The following TMPRSS9 variants were observed in gnomAD, a reference collection of about 807,000 sequenced individuals.
TMPRSS9 encodes the protein transmembrane protease serine 9.
Under a neutral mutation model 111.4 loss-of-function variants are expected in TMPRSS9, and 113 were observed. That is an observed-to-expected ratio of 1.01 (90% CI 0.87 to 1.19). TMPRSS9 has a LOEUF of 1.19. TMPRSS9 is among the 50% of genes most tolerant of loss of function. TMPRSS9 has a pLI of 0.00. For missense variants in TMPRSS9, 1,803 were observed against 1,513.1 expected (o/e 1.19, Z -3.18); for synonymous variants, 805 against 659.1 (o/e 1.22, Z -3.39).
chr19:2,388,899 C>G (rs972753376), upstream of TMPRSS9, among the ~76,000 whole-genome samples: 2 of 151,986 alleles, frequency 1.3e-5, no homozygotes, highest in Non-Finnish European at 2.9e-5. Flanking sequence ...GCTGGGATTA[C>G]AGGTGTGAGC....
intron 1 of TMPRSS9, among the ~76,000 whole-genome samples, chr19:2,363,823 T>A (rs114883707): frequency 0.074 from 7,858 of 106,902 alleles, 327 homozygotes; most frequent in Non-Finnish European, 0.091. Flanking sequence ...CGTGTGTGTG[T>A]GAGAGAGAGA....
chr19:2,386,361 T>C (rs374738131), upstream of TMPRSS9, among the ~76,000 whole-genome samples: 130 of 151,722 alleles, frequency 8.6e-4, no homozygotes, highest in African/African-American at 2.8e-3. Context: ...AAAAATTAGC[T>C]GGGCGTGGTG....
upstream of TMPRSS9, among the ~76,000 whole-genome samples, chr19:2,386,881 A>G (rs1326543015): frequency 3.9e-5 from 6 of 152,010 alleles, no homozygotes; most frequent in Admixed American, 3.9e-4. Flanking sequence ...GGTCCCAGCT[A>G]CTTGGGAGAC....
At chr19:2,369,920 G>A (rs1174046848) in intron 1 of TMPRSS9, among the ~76,000 whole-genome samples, 1 of 152,054 alleles carries the variant, frequency 6.6e-6, no homozygotes, top group African/African-American at 2.4e-5. Flanking sequence ...AAACTCAACT[G>A]GGGATGCCCA....
chr19:2,410,647 C>A (rs989706707), intron 9 of TMPRSS9, among the ~76,000 whole-genome samples: 1 of 152,104 alleles, frequency 6.6e-6, no homozygotes, highest in Non-Finnish European at 1.5e-5. Flanking sequence ...AAGCTCTAAC[C>A]TGACTTCAAT....
chr19:2,379,615 C>CTCTTTCTCTTTCTT (rs1970366127), intron 1 of TMPRSS9, among the ~76,000 whole-genome samples: 1 of 118,510 alleles, frequency 8.4e-6, no homozygotes, highest in East Asian at 2.6e-4. Context: ...AACTTTCTTT[C>CTCTTTCTCTTTCTT]TCTTTCTTTC....
intron 1 of TMPRSS9, among the ~76,000 whole-genome samples, chr19:2,376,475 T>G (rs1970335590): frequency 6.6e-6 from 1 of 152,092 alleles, no homozygotes; most frequent in East Asian, 1.9e-4. Context: ...TTTTTTTCTT[T>G]TTGAGATAGA....
At chr19:2,389,351 A>C, upstream of TMPRSS9, among the ~76,000 whole-genome samples, 1 of 147,298 alleles carries the variant, frequency 6.8e-6, no homozygotes, top group Admixed American at 6.9e-5. Context: ...CTGGGATTAC[A>C]GGCATAAGCC....
At chr19:2,378,094 G>A (rs1325203534) in intron 1 of TMPRSS9, among the ~76,000 whole-genome samples, 1 of 152,010 alleles carries the variant, frequency 6.6e-6, no homozygotes, top group African/African-American at 2.4e-5. Flanking sequence ...TGCCCAGGCT[G>A]GTCTCAAACT....
intron 2 of TMPRSS9, among the ~76,000 whole-genome samples, chr19:2,397,559 T>C (rs927283229): frequency 6.6e-6 from 1 of 152,004 alleles, no homozygotes; most frequent in Non-Finnish European, 1.5e-5. Context: ...AATGAAAAAA[T>C]AATGTTTTCC....
chr19:2,406,903 G>A (rs924730514), intron 7 of TMPRSS9, among the ~76,000 whole-genome samples: 15 of 149,558 alleles, frequency 1.0e-4, no homozygotes, highest in Non-Finnish European at 1.6e-4. Flanking sequence ...GGGATCAAGC[G>A]ATTCTCCTGC....
chr19:2,415,810 T>G lies in TMPRSS9; in HGVS notation c.1714T>G (p.Trp572Gly), dbSNP rs752578487. The change falls in exon 11 of 18, where the codon TGG becomes GGG. Residue 572 changes from tryptophan (W) to glycine (G), a missense_variant. Physicochemically the swap from Trp to Gly is radical, Grantham distance 184 (BLOSUM62 -2). Transcript: ENST00000648592. The stretch of plus-strand genomic sequence containing the variant: ...CGGAGCAACTGTGGTGGGGGACCGC[T>G]GGCTGCTGTCTGCCGCCCACTGCTT... 3.1e-6 allele frequency: 5 copies of G among 1,602,326 alleles called. No homozygotes were observed. The South Asian group carries it at 4.5e-5, about 14-fold the overall frequency.
Position 2,375,460 on chromosome 19 carries a change from A to G in TMPRSS9, c.-25-14301A>G, listed in dbSNP as rs1220604738. On this transcript the variant is annotated intron_variant, in intron 1 of 17. Transcript: ENST00000649857. ...CACTGTGATTGCCAGGTCAGGGTCCAGTGCGGACCAATCACTGATGGGGGA... is the reference window on the plus strand; with the variant it reads ...CACTGTGATTGCCAGGTCAGGGTCCGGTGCGGACCAATCACTGATGGGGGA... Among the ~76,000 whole-genome samples the G allele has an allele frequency of 2.1e-4, 26 of 121,304 alleles. 1 individual carries two copies. The highest frequency in any genetic ancestry group is 5.8e-4 in the African/African-American group (14 of 24,180). 79.6% of individuals were successfully genotyped at this position (121,304 alleles called of 152,430 possible).
chr19:2,418,276 C>G (rs1971306104), intron 13 of TMPRSS9, 138 bp downstream of exon 14: 2 of 957,704 alleles, frequency 2.1e-6, no homozygotes, highest in Non-Finnish European at 3.0e-6. Context: ...GTCCTTCCCT[C>G]CTTTTCCTTT....
intron 1 of TMPRSS9, among the ~76,000 whole-genome samples, chr19:2,363,799 T>TGCGCGCGCGC (rs1568464301): frequency 3.6e-4 from 47 of 129,630 alleles, no homozygotes; most frequent in African/African-American, 1.4e-3. Flanking sequence ...AGTGTGTGTG[T>TGCGCGCGCGC]GTGTGCGTGC....
intron 1 of TMPRSS9, among the ~76,000 whole-genome samples, chr19:2,393,979 G>A (rs1970654891): frequency 6.6e-6 from 1 of 151,430 alleles, no homozygotes; most frequent in Non-Finnish European, 1.5e-5. Context: ...GGGTTGGGCG[G>A]ATCATGAGGT....
chr19:2,382,590 ATG>A (rs1174840890), intron 1 of TMPRSS9, among the ~76,000 whole-genome samples: 1 of 117,944 alleles, frequency 8.5e-6, no homozygotes, highest in Admixed American at 9.2e-5. Context: ...ACAGATGCAC[ATG>A]CACACACACA....
intron 1 of TMPRSS9, among the ~76,000 whole-genome samples, chr19:2,368,325 CAAA>C (rs78477170): frequency 6.2e-5 from 7 of 113,354 alleles, no homozygotes; most frequent in Non-Finnish European, 3.8e-5. Flanking sequence ...TTTGAGAGAC[CAAA>C]AAAAAAAAAA....
intron 9 of TMPRSS9, 58 bp from the exon 11 acceptor site, chr19:2,413,642 A>G: frequency 1.3e-6 from 2 of 1,541,824 alleles, no homozygotes; most frequent in Admixed American, 3.5e-5. Context: ...GCCTCGTAGC[A>G]CTGGTGTCTG....
Sources: gnomAD v4.1 joint callset for allele counts (sites outside exome capture counted in the v4.1 genomes callset) on GRCh38, gnomAD v4.1.1 for gene constraint, MANE v1.5 for transcripts, NCBI Gene and HGNC (gene_info 2026-07-23, HGNC 2026-07-21) for gene names.